Variants in LOXL2 observed in about 807,000 individuals in gnomAD.
LOXL2 encodes the protein lysyl oxidase like 2, also known as lysyl oxidase homolog 2.
LOXL2 carries 70 observed loss-of-function variants against 93.0 expected under a neutral mutation model. The ratio of observed to expected loss-of-function variants is 0.75; its 90% CI spans 0.62 to 0.92. The LOEUF (loss-of-function observed/expected upper bound fraction) is 0.92. Ranked by LOEUF, LOXL2 falls within the 40% of genes least tolerant of loss-of-function variation. LOXL2 has a pLI of 0.00. For synonymous variants in LOXL2, 438 were observed against 413.2 expected (o/e 1.06, Z -0.73); for missense variants, 973 against 1,054.9 (o/e 0.92, Z 1.08).
At chr8:23,377,498 A>C (rs1309238184) in intron 1 of LOXL2, among the ~76,000 whole-genome samples, 1 of 125,354 alleles carries the variant, frequency 8.0e-6, no homozygotes, top group Admixed American at 8.1e-5. Context: ...TATCCTTGTT[A>C]ACTTTCTGTC....
In LOXL2 at chr8:23,335,167, T is replaced by C. The variant is rs984217640; in HGVS notation, c.744-1544A>G. Among the ~76,000 whole-genome samples the C allele has an allele frequency of 6.6e-5, 10 of 152,284 alleles. 1 individual carries two copies. The highest frequency in any genetic ancestry group is 2.4e-4 in the African/African-American group (10 of 41,554). On this transcript the variant is annotated intron_variant, in intron 4 of 13. Transcript: ENST00000389131. The stretch of plus-strand genomic sequence containing the variant: ...AAATTTATGCCAAGTCATATCATTG[T>C]AAGGAGGCCGTGGCAGGAGACCCCC...
intron 3 of LOXL2, among the ~76,000 whole-genome samples, chr8:23,348,775 G>C (rs1804036958): frequency 6.6e-6 from 1 of 152,070 alleles, no homozygotes; most frequent in African/African-American, 2.4e-5. Context: ...TACTCAGGAG[G>C]CTGAGGCAGG....
chr8:23,377,862 CAGCACACTGATGGGT>C (rs1804618323), intron 1 of LOXL2, among the ~76,000 whole-genome samples: 1 of 152,156 alleles, frequency 6.6e-6, no homozygotes, highest in Non-Finnish European at 1.5e-5. Flanking sequence ...CTCCTGAATA[CAGCACACTGATGGGT>C]CTTGACTCTT....
intron 10 of LOXL2, among the ~76,000 whole-genome samples, chr8:23,306,153 G>C (rs1803226018): frequency 6.6e-6 from 1 of 152,172 alleles, no homozygotes; most frequent in Non-Finnish European, 1.5e-5. Context: ...CAAGGGAGGA[G>C]GTGTTGGATG....
intron 4 of LOXL2, chr8:23,336,038 C>T (rs1803785276): frequency 6.6e-6 from 1 of 152,272 alleles, no homozygotes; most frequent in Admixed American, 6.5e-5. Flanking sequence ...TCCAGACACA[C>T]TTCCTGCAAG....
intron 1 of LOXL2, among the ~76,000 whole-genome samples, chr8:23,402,970 C>T (rs1214579078): frequency 6.6e-6 from 1 of 152,088 alleles, no homozygotes; most frequent in East Asian, 1.9e-4. Flanking sequence ...ACCCTCGCCC[C>T]GCTCCGCCCC....
rs1228996786 is a variant in LOXL2, at chr8:23,314,353, T to C, written c.1636+2596A>G. Among the ~76,000 whole-genome samples the C allele has an allele frequency of 2.1e-5, 3 of 143,776 alleles. 1 individual carries two copies. The highest frequency in any genetic ancestry group is 2.0e-4 in the East Asian group (1 of 4,934). 94.3% of individuals were successfully genotyped at this position (143,776 alleles called of 152,430 possible). ...AAAGACACATGCACACGTATGTTTA[T>C]TGCGGTACTATTCACGATAGCAAAG... On this transcript the variant is annotated intron_variant, in intron 9 of 13. Transcript: ENST00000389131.
chr8:23,320,160 C>T (rs976539287), intron 7 of LOXL2, 108 bp from the exon 8 acceptor site: 31 of 1,169,164 alleles, frequency 2.7e-5, no homozygotes, highest in Middle Eastern at 2.3e-4. Context: ...TGGTGCTGCC[C>T]GGGACACACT....
intron 1 of LOXL2, among the ~76,000 whole-genome samples, chr8:23,375,905 T>G (rs1804579677): frequency 6.6e-6 from 1 of 152,194 alleles, no homozygotes; most frequent in Non-Finnish European, 1.5e-5. Flanking sequence ...TTGACTTCCT[T>G]TTTTCCTAAT....
At chr8:23,299,383 CGT>C (rs1196682017) in intron 12 of LOXL2, among the ~76,000 whole-genome samples, 1 of 152,114 alleles carries the variant, frequency 6.6e-6, no homozygotes, top group East Asian at 1.9e-4. Context: ...TCGTCACAGG[CGT>C]GTGACTGTGG....
chr8:23,378,112 G>A, intron 1 of LOXL2, among the ~76,000 whole-genome samples: 1 of 152,164 alleles, frequency 6.6e-6, no homozygotes. Flanking sequence ...GCTTCCTTCA[G>A]GAGCTCTTGT....
rs1275803065 is a variant in LOXL2, at chr8:23,332,050, G to GAAA, written c.966+1350_966+1351insTTT. 3.2e-5 allele frequency: 4 copies of GAAA among 124,082 alleles called. No individual in the cohort carries two copies. In the East Asian group the frequency reaches 7.6e-4, roughly 24 times the overall value. 7.7% of individuals were successfully genotyped at this position (124,082 alleles called of 1,614,324 possible). ...AACTCTGTCTCAAAAAAAAAAAAAA[G>GAAA]AAGAAGAAGAAGAAAAGAAAAGAAA... On this transcript the variant is annotated intron_variant, in intron 5 of 13. Coordinates refer to ENST00000389131, the MANE Select transcript of LOXL2 (RefSeq NM_002318.3).
intron 3 of LOXL2, among the ~76,000 whole-genome samples, chr8:23,358,162 A>G (rs1001553444): frequency 2.0e-5 from 3 of 152,230 alleles, no homozygotes; most frequent in Non-Finnish European, 2.9e-5. Context: ...ATGGTAAAGA[A>G]AGCAAAGCTG....
chr8:23,372,077 T>C (rs969877284), intron 1 of LOXL2, among the ~76,000 whole-genome samples: 9 of 152,150 alleles, frequency 5.9e-5, no homozygotes, highest in Non-Finnish European at 1.3e-4. Flanking sequence ...CATAAAACAA[T>C]TGTTACAAAT....
chr8:23,304,231 C>G (rs904013979), intron 10 of LOXL2, among the ~76,000 whole-genome samples: 6 of 152,206 alleles, frequency 3.9e-5, no homozygotes, highest in Admixed American at 6.5e-5. Context: ...GTTTACATAA[C>G]GAGGCTCCCT....
chr8:23,310,624 A>G (rs914907385), intron 9 of LOXL2, among the ~76,000 whole-genome samples: 1 of 152,128 alleles, frequency 6.6e-6, no homozygotes, highest in Non-Finnish European at 1.5e-5. Flanking sequence ...CATATAACTT[A>G]TTTTTTTCTT....
intron 10 of LOXL2, among the ~76,000 whole-genome samples, chr8:23,304,799 T>C (rs1280211000): frequency 6.6e-6 from 1 of 152,160 alleles, no homozygotes; most frequent in African/African-American, 2.4e-5. Context: ...CAGGAGCTCC[T>C]CACTTCCCCA....
intron 5 of LOXL2, among the ~76,000 whole-genome samples, chr8:23,329,316 C>G (rs1180407955): frequency 6.6e-6 from 1 of 152,214 alleles, no homozygotes; most frequent in East Asian, 1.9e-4. Flanking sequence ...GAAGATGCAG[C>G]CCAATCAGCT....
intron 3 of LOXL2, among the ~76,000 whole-genome samples, chr8:23,346,992 CAG>C (rs1262545786): frequency 6.6e-6 from 1 of 152,194 alleles, no homozygotes; most frequent in African/African-American, 2.4e-5. Flanking sequence ...ATCTTCCTCT[CAG>C]AGCCTGCAGC....
Sources: allele counts gnomAD v4.1 joint callset (sites outside exome capture counted in the v4.1 genomes callset), GRCh38; gene constraint gnomAD v4.1.1; transcripts MANE v1.5; gene names NCBI Gene and HGNC (gene_info 2026-07-23, HGNC 2026-07-21).